BICD1: variants seen among roughly 807,000 people sequenced by gnomAD.
BICD1 encodes the protein BICD cargo adaptor 1.
A neutral mutation model predicts 92.5 loss-of-function variants in BICD1; 35 were observed. The observed-to-expected ratio is 0.38, with a 90% confidence interval of 0.29 to 0.50. BICD1 has a LOEUF of 0.50. Ranked by LOEUF, BICD1 falls within the 20% of genes least tolerant of loss-of-function variation. The pLI, the probability that BICD1 is intolerant of heterozygous loss-of-function variation, is 0.93. For missense variants in BICD1, 950 were observed against 1,189.8 expected (o/e 0.80, Z 2.97); for synonymous variants, 429 against 465.1 (o/e 0.92, Z 1.00).
At chr12:32,368,042 TA>T in intron 9 of BICD1, 3 of 279,740 alleles carry the variant, frequency 1.1e-5, no homozygotes, top group Middle Eastern at 2.2e-3. Flanking sequence ...TTCCAAAAAA[TA>T]AAAGCTGGAA....
At chr12:32,166,519 C>G (rs1025324238) in intron 1 of BICD1, among the ~76,000 whole-genome samples, 1 of 152,110 alleles carries the variant, frequency 6.6e-6, no homozygotes, top group Admixed American at 6.5e-5. Flanking sequence ...GCTAACCATC[C>G]TACACTGCAC....
Position 32,282,199 on chromosome 12 carries a change from CTTCTTTTTT to C in BICD1, c.427-11792_427-11784del, listed in dbSNP as rs1413573045. Among the ~76,000 whole-genome samples the C allele has an allele frequency of 1.4e-3, 94 of 69,008 alleles. 4 individuals carry two copies. The highest frequency in any genetic ancestry group is 4.1e-3 in the African/African-American group (76 of 18,316). The allele number at this position is 69,008 out of a possible 152,430, so 45.3% of individuals were successfully genotyped here. On this transcript the variant is annotated intron_variant, in intron 2 of 9. Transcript: ENST00000652176. Reference sequence around the variant, plus strand: ...AAAGCAAGACCCAGCTTCAGGTCTTCTTCTTTTTTTTTTTTTTTTTTTTTTTTTTTTTTT... The same window carrying C: ...AAAGCAAGACCCAGCTTCAGGTCTTCTTTTTTTTTTTTTTTTTTTTTTTTT...
At chr12:32,137,349 A>G (rs1004941610) in intron 1 of BICD1, among the ~76,000 whole-genome samples, 4 of 152,102 alleles carry the variant, frequency 2.6e-5, no homozygotes, top group Non-Finnish European at 4.4e-5. Flanking sequence ...TCGGCCTTTC[A>G]AAGTGCTGGG....
chr12:32,306,491 G>A (rs1040699996), intron 4 of BICD1, among the ~76,000 whole-genome samples: 10 of 151,836 alleles, frequency 6.6e-5, no homozygotes, highest in Admixed American at 2.6e-4. Flanking sequence ...TGATCCGCCC[G>A]CCTTGGCCTC....
At chr12:32,233,685 A>G (rs971871262) in intron 2 of BICD1, among the ~76,000 whole-genome samples, 1 of 152,070 alleles carries the variant, frequency 6.6e-6, no homozygotes, top group Non-Finnish European at 1.5e-5. Context: ...AAATAGCTCA[A>G]TTTGGTTTCA....
chr12:32,130,471 G>T (rs570590174), intron 1 of BICD1, among the ~76,000 whole-genome samples: 3 of 152,214 alleles, frequency 2.0e-5, no homozygotes, highest in Non-Finnish European at 4.4e-5. Flanking sequence ...GATTACAGGC[G>T]TGAGCCACCA....
chr12:32,265,073 C>A (rs1246063818), intron 2 of BICD1, among the ~76,000 whole-genome samples: 1 of 151,960 alleles, frequency 6.6e-6, no homozygotes, highest in Non-Finnish European at 1.5e-5. Context: ...TCAGAGCCCC[C>A]TCTCCTTACC....
chr12:32,365,482 A>G (rs555289827), intron 8 of BICD1, among the ~76,000 whole-genome samples: 12 of 152,338 alleles, frequency 7.9e-5, no homozygotes, highest in African/African-American at 2.9e-4. Flanking sequence ...TTTTTAAAAG[A>G]TGTAAGCCAT....
intron 2 of BICD1, among the ~76,000 whole-genome samples, chr12:32,254,519 T>C (rs1279287305): frequency 6.6e-6 from 1 of 152,236 alleles, no homozygotes; most frequent in African/African-American, 2.4e-5. Context: ...TAATCACTTG[T>C]AACATCTATT....
chr12:32,297,591 A>G (rs1207984985), intron 3 of BICD1, among the ~76,000 whole-genome samples: 2 of 152,274 alleles, frequency 1.3e-5, no homozygotes, highest in Admixed American at 1.3e-4. Flanking sequence ...ACAAAATTGG[A>G]CTGTGTTACT....
chr12:32,207,783 A>T lies in BICD1; in HGVS notation c.214-8464A>T, dbSNP rs931212441. 5.3e-5 allele frequency among the ~76,000 whole-genome samples: 8 copies of T among 152,224 alleles called. No individual in the cohort carries two copies. The South Asian group carries it at 1.7e-3, about 32-fold the overall frequency. On this transcript the variant is annotated intron_variant, in intron 1 of 9. Transcript: ENST00000652176. ...AACCGTAAGAGCCTATGCCTCTTGA[A>T]ATTTCTCTGTGTTTGTCTTTGTACA...
chr12:32,116,492 T>TCTCTCTTTC (rs1565524980), intron 1 of BICD1, among the ~76,000 whole-genome samples: 30 of 123,028 alleles, frequency 2.4e-4, no homozygotes, highest in African/African-American at 9.5e-4. Flanking sequence ...CTCTCTCTCT[T>TCTCTCTTTC]TCTCTCTCTC....
At chr12:32,176,541 T>G (rs1944094466) in intron 1 of BICD1, among the ~76,000 whole-genome samples, 1 of 152,220 alleles carries the variant, frequency 6.6e-6, no homozygotes, top group Admixed American at 6.5e-5. Context: ...ATTTGCATCA[T>G]TCTAGAAAGT....
intron 2 of BICD1, among the ~76,000 whole-genome samples, chr12:32,230,481 G>GATC (rs1945850508): frequency 6.6e-6 from 1 of 152,054 alleles, no homozygotes; most frequent in Non-Finnish European, 1.5e-5. Context: ...CAAGAATTGA[G>GATC]ATCATCTGTG....
At chr12:32,316,577 A>G (rs547216187) in intron 4 of BICD1, among the ~76,000 whole-genome samples, 6 of 152,244 alleles carry the variant, frequency 3.9e-5, no homozygotes, top group African/African-American at 1.4e-4. Flanking sequence ...CTGGAATTAC[A>G]GGCATGAGCC....
chr12:32,254,769 T>G (rs186805404), intron 2 of BICD1, among the ~76,000 whole-genome samples: 2 of 152,316 alleles, frequency 1.3e-5, no homozygotes, highest in East Asian at 3.9e-4. Flanking sequence ...TCTGGTGCAA[T>G]TAGAAATGAG....
intron 2 of BICD1, among the ~76,000 whole-genome samples, chr12:32,251,603 C>G (rs77887243): frequency 0.047 from 7,161 of 152,180 alleles, 225 homozygotes; most frequent in Middle Eastern, 0.11. Flanking sequence ...TTTTCTAGAA[C>G]TCTCCATTCT....
intron 2 of BICD1, among the ~76,000 whole-genome samples, chr12:32,247,130 G>T (rs1946408952): frequency 6.6e-6 from 1 of 151,476 alleles, no homozygotes; most frequent in African/African-American, 2.4e-5. Context: ...GGTGGTGTGT[G>T]CCTGTAGTCC....
At chr12:32,132,392 G>A (rs1942577776) in intron 1 of BICD1, among the ~76,000 whole-genome samples, 1 of 149,102 alleles carries the variant, frequency 6.7e-6, no homozygotes, top group South Asian at 2.2e-4. Context: ...CTGCAGCCTA[G>A]GCGACAGAGC....
Sources: gnomAD v4.1 joint callset for allele counts (sites outside exome capture counted in the v4.1 genomes callset) on GRCh38, gnomAD v4.1.1 for gene constraint, MANE v1.5 for transcripts, NCBI Gene and HGNC (gene_info 2026-07-23, HGNC 2026-07-21) for gene names.